The following LUZP2 variants were observed in gnomAD, a reference collection of about 807,000 sequenced individuals.
The protein encoded by LUZP2 is leucine zipper protein 2.
A neutral mutation model predicts 51.6 loss-of-function variants in LUZP2; 52 were observed. The ratio of observed to expected loss-of-function variants is 1.01; its 90% CI spans 0.81 to 1.27. The LOEUF is 1.27. Among genes scored for constraint, LUZP2 ranks in the 50% most tolerant of loss-of-function variants. The pLI, the probability that LUZP2 is intolerant of heterozygous loss-of-function variation, is 0.00. For missense variants in LUZP2, 436 were observed against 395.4 expected (o/e 1.10, Z -0.87); for synonymous variants, 154 against 137.3 (o/e 1.12, Z -0.85).
intron 1 of LUZP2, among the ~76,000 whole-genome samples, chr11:24,669,650 C>T (rs1856336752): frequency 6.6e-6 from 1 of 151,888 alleles, no homozygotes; most frequent in South Asian, 2.1e-4. Context: ...TTATTTAAAG[C>T]AGGCACAATT....
At chr11:24,790,307 C>T (rs1849372507) in intron 5 of LUZP2, among the ~76,000 whole-genome samples, 1 of 152,022 alleles carries the variant, frequency 6.6e-6, no homozygotes, top group Non-Finnish European at 1.5e-5. Context: ...TGTTTAAGAT[C>T]AGTAACTCCC....
At chr11:24,557,297 T>C (rs528775185) in intron 1 of LUZP2, among the ~76,000 whole-genome samples, 2 of 147,588 alleles carry the variant, frequency 1.4e-5, no homozygotes, top group East Asian at 3.9e-4. Flanking sequence ...TAATATGTAA[T>C]AGAGATGTCA....
intron 1 of LUZP2, among the ~76,000 whole-genome samples, chr11:24,673,197 A>G (rs531658301): frequency 3.9e-5 from 6 of 152,302 alleles, no homozygotes; most frequent in African/African-American, 1.4e-4. Flanking sequence ...TAACATGATG[A>G]TAAGTATTTG....
At chr11:24,821,039 T>C (rs557804088) in intron 5 of LUZP2, among the ~76,000 whole-genome samples, 3 of 152,260 alleles carry the variant, frequency 2.0e-5, no homozygotes, top group Non-Finnish European at 4.4e-5. Flanking sequence ...TGGAATGTCT[T>C]TTTCAAGAGT....
At chr11:24,631,891 G>A (rs75267967) in intron 1 of LUZP2, among the ~76,000 whole-genome samples, 1,533 of 151,886 alleles carry the variant, frequency 0.01, 21 homozygotes, top group African/African-American at 0.035. Context: ...AGGTTTTGGA[G>A]AATGCAAATT....
intron 5 of LUZP2, chr11:24,786,587 TTTGC>T: frequency 1.1e-5 from 3 of 277,780 alleles, no homozygotes; most frequent in Non-Finnish European, 1.6e-5. Flanking sequence ...AAAATATATA[TTTGC>T]ATTATATTAT....
chr11:24,693,514 T>C (rs1857143948), intron 1 of LUZP2, among the ~76,000 whole-genome samples: 1 of 151,968 alleles, frequency 6.6e-6, no homozygotes, highest in African/African-American at 2.4e-5. Flanking sequence ...AAATCTATGT[T>C]TATTAAAAAT....
chr11:24,657,410 T>C (rs1855845503), intron 1 of LUZP2, among the ~76,000 whole-genome samples: 1 of 152,090 alleles, frequency 6.6e-6, no homozygotes, highest in Non-Finnish European at 1.5e-5. Flanking sequence ...ATAAATTAGG[T>C]ATTGATGGGA....
chr11:24,672,561 T>C (rs1590328456), intron 1 of LUZP2, among the ~76,000 whole-genome samples: 1 of 152,174 alleles, frequency 6.6e-6, no homozygotes, highest in Non-Finnish European at 1.5e-5. Flanking sequence ...AAAACCCCAC[T>C]AGATACCATT....
intron 1 of LUZP2, among the ~76,000 whole-genome samples, chr11:24,574,174 T>A (rs1852531921): frequency 6.7e-6 from 1 of 149,956 alleles, no homozygotes; most frequent in Non-Finnish European, 1.5e-5. Context: ...ATTTTCTTTC[T>A]TTCTTTCTTT....
chr11:24,785,084 C>A (rs1193222839), intron 5 of LUZP2, among the ~76,000 whole-genome samples: 5 of 151,976 alleles, frequency 3.3e-5, no homozygotes, highest in Non-Finnish European at 7.4e-5. Context: ...CCTGTAGTTA[C>A]ACTATTTATG....
chr11:25,073,477 A>T (rs1565312037), intron 10 of LUZP2, among the ~76,000 whole-genome samples: 1 of 152,208 alleles, frequency 6.6e-6, no homozygotes, highest in Non-Finnish European at 1.5e-5. Context: ...TATTATCAAG[A>T]CATTCCCTGG....
intron 1 of LUZP2, among the ~76,000 whole-genome samples, chr11:24,590,581 A>G (rs1400769265): frequency 6.6e-6 from 1 of 152,128 alleles, no homozygotes; most frequent in East Asian, 1.9e-4. Context: ...TTTTTTACTA[A>G]TCTGTAAAGA....
chr11:24,863,822 T>A (rs1851809335), intron 5 of LUZP2, among the ~76,000 whole-genome samples: 1 of 152,166 alleles, frequency 6.6e-6, no homozygotes, highest in African/African-American at 2.4e-5. Flanking sequence ...TAGTCCTTTT[T>A]GCACATAAAA....
intron 10 of LUZP2, among the ~76,000 whole-genome samples, chr11:25,057,227 T>C (rs1858715672): frequency 2.6e-5 from 4 of 152,314 alleles, no homozygotes; most frequent in Middle Eastern, 6.8e-3. Flanking sequence ...CAAAATATTC[T>C]GTGGCCTAAG....
intron 1 of LUZP2, among the ~76,000 whole-genome samples, chr11:24,667,455 G>T (rs1048747053): frequency 3.3e-5 from 5 of 152,024 alleles, no homozygotes; most frequent in African/African-American, 1.2e-4. Context: ...AAACTGCTGG[G>T]ATTACAGGCA....
At chr11:24,728,659 G>A (rs1165643817) in intron 1 of LUZP2, among the ~76,000 whole-genome samples, 3 of 151,946 alleles carry the variant, frequency 2.0e-5, no homozygotes, top group Non-Finnish European at 4.4e-5. Context: ...TCTGAAATGA[G>A]TAGTCATTTC....
intron 1 of LUZP2, among the ~76,000 whole-genome samples, chr11:24,571,854 C>A (rs1590194608): frequency 6.6e-6 from 1 of 151,996 alleles, no homozygotes; most frequent in African/African-American, 2.4e-5. Flanking sequence ...GAAATTATAG[C>A]TTGTGATTAC....
At chr11:24,945,857 C>G (rs1441300623) in intron 7 of LUZP2, among the ~76,000 whole-genome samples, 3 of 151,954 alleles carry the variant, frequency 2.0e-5, no homozygotes, top group Non-Finnish European at 4.4e-5. Context: ...TTAAAATGTA[C>G]AATTCTATGT....
Sources: gnomAD v4.1 joint callset for allele counts (sites outside exome capture counted in the v4.1 genomes callset) on GRCh38, gnomAD v4.1.1 for gene constraint, MANE v1.5 for transcripts, NCBI Gene and HGNC (gene_info 2026-07-23, HGNC 2026-07-21) for gene names.